Variants in MECOM observed in about 807,000 individuals in gnomAD.
MECOM encodes histone-lysine N-methyltransferase MECOM.
In MECOM, 13 loss-of-function variants were observed where a neutral mutation model predicts 116.3. The observed-to-expected ratio is 0.11, with a 90% CI of 0.07 to 0.18. The LOEUF is 0.18. Ranked by LOEUF, MECOM falls within the 10% of genes least tolerant of loss-of-function variation. MECOM has a pLI of 1.00. For missense variants in MECOM, 1,299 were observed against 1,509.0 expected (o/e 0.86, Z 2.31); for synonymous variants, 528 against 535.2 (o/e 0.99, Z 0.19).
At chr3:169,480,697 T>C (rs973231339) in intron 1 of MECOM, among the ~76,000 whole-genome samples, 4 of 152,192 alleles carry the variant, frequency 2.6e-5, no homozygotes, top group African/African-American at 9.6e-5. Flanking sequence ...GGGTGGTTTT[T>C]GTTCTTCAAA....
At chr3:169,530,377 A>G (rs1758469945) in intron 1 of MECOM, among the ~76,000 whole-genome samples, 1 of 152,208 alleles carries the variant, frequency 6.6e-6, no homozygotes. Context: ...GGCCAGGGTC[A>G]TGAAAGCGCA....
At chr3:169,554,843 A>G (rs79382647) in intron 1 of MECOM, among the ~76,000 whole-genome samples, 33,168 of 152,064 alleles carry the variant, frequency 0.22, 4,657 homozygotes, top group East Asian at 0.7. Context: ...AGGAGGTAAT[A>G]GGGGGTTGGG....
At chr3:169,363,802 C>G (rs1349920994) in intron 2 of MECOM, among the ~76,000 whole-genome samples, 1 of 151,852 alleles carries the variant, frequency 6.6e-6, no homozygotes, top group East Asian at 1.9e-4. Flanking sequence ...TCCCGGATCT[C>G]ATTATTTTCC....
At chr3:169,452,554 G>C (rs1745789043) in intron 1 of MECOM, among the ~76,000 whole-genome samples, 1 of 152,152 alleles carries the variant, frequency 6.6e-6, no homozygotes, top group Non-Finnish European at 1.5e-5. Flanking sequence ...CCACGTAAAG[G>C]AACACAGTAC....
At position 169,139,369 on chromosome 3, in the gene MECOM, T is replaced by G. The variant is rs201186566; in HGVS notation, c.510+4329A>C. On this transcript the variant is annotated intron_variant, in intron 3 of 16. Coordinates refer to ENST00000651503, the MANE Select transcript of MECOM (RefSeq NM_004991.4). Reference sequence around the variant, plus strand: ...TGGGTTTCTGAGAACTTTATTCTACTCATAGACCATGTTAGGGCAGGCCAG... The same window carrying G: ...TGGGTTTCTGAGAACTTTATTCTACGCATAGACCATGTTAGGGCAGGCCAG... 5.9e-5 allele frequency among the ~76,000 whole-genome samples: 9 copies of G among 152,220 alleles called. No homozygotes were observed. The East Asian group carries it at 1.5e-3, about 26-fold the overall frequency.
At chr3:169,254,550 A>C (rs1007609194) in intron 2 of MECOM, among the ~76,000 whole-genome samples, 5 of 152,144 alleles carry the variant, frequency 3.3e-5, no homozygotes. Context: ...TCAGGGGGAA[A>C]AACCACAGTT....
At chr3:169,152,554 C>T (rs530809336) in intron 2 of MECOM, among the ~76,000 whole-genome samples, 10 of 152,264 alleles carry the variant, frequency 6.6e-5, no homozygotes, top group Non-Finnish European at 1.2e-4. Context: ...TAGTCCAGCA[C>T]GCTTCTAATT....
chr3:169,582,104 T>C (rs1765185376), intron 1 of MECOM, among the ~76,000 whole-genome samples: 1 of 152,210 alleles, frequency 6.6e-6, no homozygotes, highest in Non-Finnish European at 1.5e-5. Flanking sequence ...AATTGGACTG[T>C]AGTTACTAAA....
intron 1 of MECOM, among the ~76,000 whole-genome samples, chr3:169,579,476 C>G (rs1377601852): frequency 1.3e-5 from 2 of 152,086 alleles, no homozygotes; most frequent in South Asian, 4.1e-4. Context: ...AAAACTTGAG[C>G]GCTATCTCTC....
At chr3:169,376,315 G>A (rs1244143813) in intron 2 of MECOM, among the ~76,000 whole-genome samples, 2 of 152,130 alleles carry the variant, frequency 1.3e-5, no homozygotes, top group Non-Finnish European at 2.9e-5. Context: ...CATAGTATTA[G>A]AAGTTCTAGC....
intron 1 of MECOM, 145 bp downstream of exon 1, chr3:169,663,191 G>A (rs1366198187): frequency 3.3e-6 from 3 of 898,772 alleles, no homozygotes; most frequent in Non-Finnish European, 3.5e-6. Context: ...GGAACCGGCA[G>A]GTTGCTGGGG....
intron 2 of MECOM, among the ~76,000 whole-genome samples, chr3:169,228,255 G>A (rs569263894): frequency 1.3e-5 from 2 of 152,192 alleles, no homozygotes; most frequent in South Asian, 2.1e-4. Context: ...GCCATATTCC[G>A]GGCAATACTA....
chr3:169,123,602 C>T (rs962447690), intron 5 of MECOM, among the ~76,000 whole-genome samples: 3 of 151,926 alleles, frequency 2.0e-5, no homozygotes, highest in Non-Finnish European at 1.5e-5. Context: ...GTCTGCAACA[C>T]CTTTATTGAT....
At chr3:169,258,418 C>A (rs537084071) in intron 2 of MECOM, among the ~76,000 whole-genome samples, 1 of 152,274 alleles carries the variant, frequency 6.6e-6, no homozygotes, top group East Asian at 1.9e-4. Flanking sequence ...GCAAGTTACC[C>A]AAGTCATAGG....
In MECOM at chr3:169,341,065, CTG is replaced by C. The variant is rs146943641; in HGVS notation, c.375+40120_375+40121del. On this transcript the variant is annotated intron_variant, in intron 2 of 16. Coordinates refer to ENST00000651503, the MANE Select transcript of MECOM (RefSeq NM_004991.4). ...TTATGAACTAGACCAGGGTGATAGA[CTG>C]TATTTTATACTTGTTCAGGAATTTT... 4.2e-3 allele frequency among the ~76,000 whole-genome samples: 641 copies of C among 152,300 alleles called. 3 individuals are homozygous for C. The highest frequency in any genetic ancestry group is 0.014 in the African/African-American group (570 of 41,554).
At chr3:169,455,859 C>T (rs147443596) in intron 1 of MECOM, among the ~76,000 whole-genome samples, 9 of 152,256 alleles carry the variant, frequency 5.9e-5, no homozygotes, top group East Asian at 3.9e-4. Context: ...GAATGTTGCT[C>T]TTATTGGTTT....
intron 2 of MECOM, among the ~76,000 whole-genome samples, chr3:169,229,941 C>G (rs532707346): frequency 1.3e-5 from 2 of 152,020 alleles, no homozygotes; most frequent in Non-Finnish European, 2.9e-5. Flanking sequence ...AAAGAAAATT[C>G]CAAATAAAGG....
At chr3:169,089,222 C>T (rs1474715569) in intron 15 of MECOM, 39 bp from the exon 16 acceptor site, 1 of 1,383,068 alleles carries the variant, frequency 7.2e-7, no homozygotes, top group Non-Finnish European at 9.5e-7. Flanking sequence ...ATTTTCTTTT[C>T]ATTTGTTATC....
chr3:169,427,655 A>G (rs890441860), intron 1 of MECOM, among the ~76,000 whole-genome samples: 8 of 152,246 alleles, frequency 5.3e-5, no homozygotes, highest in South Asian at 2.1e-4. Flanking sequence ...TCTCTTGTAC[A>G]GAAGATGGAA....
Sources: gnomAD v4.1 joint callset for allele counts (sites outside exome capture counted in the v4.1 genomes callset) on GRCh38, gnomAD v4.1.1 for gene constraint, MANE v1.5 for transcripts, NCBI Gene and HGNC (gene_info 2026-07-23, HGNC 2026-07-21) for gene names.